COL28A1: variants seen among roughly 807,000 people sequenced by gnomAD.
The protein encoded by COL28A1 is collagen alpha-1(XXVIII) chain.
COL28A1 carries 161 observed loss-of-function variants against 150.2 expected under a neutral mutation model. The ratio of observed to expected loss-of-function variants is 1.07; its 90% CI spans 0.94 to 1.22. COL28A1 has a LOEUF of 1.22. Ranked by LOEUF, COL28A1 falls within the 50% of genes most tolerant of loss-of-function variation. The pLI is 0.00. For synonymous variants in COL28A1, 552 were observed against 469.7 expected, an observed-to-expected ratio of 1.18 and a Z score of -2.26; for missense variants, 1,617 against 1,388.3, an observed-to-expected ratio of 1.16 and a Z score of -2.62.
In COL28A1 at chr7:7,531,481, A is replaced by G. The variant is rs1214324156; in HGVS notation, c.548T>C (p.Ile183Thr). 6.9e-6 allele frequency: 11 copies of G among 1,604,712 alleles called. No homozygotes were observed. In the Admixed American group the frequency reaches 1.5e-4, roughly 22 times the overall value. The change falls in exon 3 of 35, where the codon ATA becomes ACA. Residue 183 changes from isoleucine (I) to threonine (T), a missense_variant. Transcript: ENST00000399429. Reference protein sequence around the residue: ...SISEDARISGISFITIALSTV... With the variant: ...SISEDARISGTSFITIALSTV... ...AGAAAGTGCAATGGTGATAAATGATATTCCTGAAATTCTGGCATCTTCAGA... is the reference window on the plus strand; with the variant it reads ...AGAAAGTGCAATGGTGATAAATGATGTTCCTGAAATTCTGGCATCTTCAGA...
downstream of COL28A1, among the ~76,000 whole-genome samples, chr7:7,353,763 G>A (rs1008669479): frequency 3.3e-5 from 5 of 152,082 alleles, no homozygotes; most frequent in African/African-American, 9.7e-5. Flanking sequence ...TTTCTATGTG[G>A]GCAAAATTGT....
intron 6 of COL28A1, among the ~76,000 whole-genome samples, chr7:7,518,995 C>T (rs1366304929): frequency 6.6e-6 from 1 of 152,180 alleles, no homozygotes. Context: ...ATGTCCATTA[C>T]ATTTGATGCA....
At chr7:7,393,308 C>T (rs1782652398) in intron 27 of COL28A1, among the ~76,000 whole-genome samples, 1 of 152,226 alleles carries the variant, frequency 6.6e-6, no homozygotes, top group African/African-American at 2.4e-5. Context: ...ACAGCAAAGA[C>T]TGCCACCTGT....
At position 7,404,120 on chromosome 7, in the gene COL28A1, G is replaced by A. The variant is rs369550500; in HGVS notation, c.2136+13739C>T. Among the ~76,000 whole-genome samples the A allele has an allele frequency of 9.9e-5, 15 of 152,040 alleles. No homozygotes were observed. The South Asian group carries it at 1.5e-3, about 15-fold the overall frequency. ...AGGAAAAAGGATTTAGTAAACTTAC[G>A]CTCAAATGAACACTGGGCCCATGTG... On this transcript the variant is annotated intron_variant, in intron 27 of 34. Transcript: ENST00000399429.
intron 30 of COL28A1, among the ~76,000 whole-genome samples, chr7:7,379,801 A>G (rs931472213): frequency 7.2e-5 from 11 of 152,204 alleles, no homozygotes; most frequent in African/African-American, 9.7e-5. Flanking sequence ...GAAATTGTGC[A>G]TATGTAGCTA....
chr7:7,369,639 C>T (rs1781113574), intron 33 of COL28A1, among the ~76,000 whole-genome samples: 1 of 152,192 alleles, frequency 6.6e-6, no homozygotes, highest in Admixed American at 6.5e-5. Flanking sequence ...GGCCTTTCTG[C>T]ACTTTTGTGA....
In COL28A1 at chr7:7,436,428, CT is replaced by C; in HGVS notation, c.1826del (p.Lys609ArgfsTer75). 1 of 1,446,512 alleles carries C rather than the reference CT, an allele frequency of 6.9e-7. No homozygotes were observed. The highest frequency in any genetic ancestry group is 9.7e-7 in the Non-Finnish European group (1 of 1,026,890). The allele number at this position is 1,446,512 out of a possible 1,614,324, so 89.6% of individuals were successfully genotyped here. A position where few individuals can be genotyped will look rare whatever the true frequency, so the allele number is the denominator to read the frequency against. Reference protein sequence around the residue: ...DRGGPGIPGFKGEPGLSIRGP... With the variant: ...DRGGPGIPGFXGEPGLSIRGP... Reference sequence around the variant, plus strand: ...CTCGAATAGAAAGTCCAGGTTCTCCCTTAAATCCAGGTATCCCAGGTCCTCC... The same window carrying C: ...CTCGAATAGAAAGTCCAGGTTCTCCCTAAATCCAGGTATCCCAGGTCCTCC... On this transcript the variant is annotated frameshift_variant, in exon 23 of 35. Coordinates refer to ENST00000399429, the MANE Select transcript of COL28A1 (RefSeq NM_001037763.3). LOFTEE classifies it high-confidence loss of function.
chr7:7,340,029 T>C, the COL28A1 span, among the ~76,000 whole-genome samples: 1 of 152,114 alleles, frequency 6.6e-6, no homozygotes, highest in African/African-American at 2.4e-5. Context: ...CTCACTCTAT[T>C]TCCCAGGCTG....
In COL28A1 at chr7:7,465,040, G is replaced by A. The variant is rs138263442; in HGVS notation, c.1303-8928C>T. ...AAGGCTACTATGAACACCTTTATGC[G>A]CATAAACTAGAAAGCCTAGAGGAGA... On this transcript the variant is annotated intron_variant, in intron 15 of 34. Coordinates refer to ENST00000399429, the MANE Select transcript of COL28A1 (RefSeq NM_001037763.3). Among the ~76,000 whole-genome samples, 709 of 152,172 alleles carry A rather than the reference G, an allele frequency of 4.7e-3. 6 individuals carry two copies. Among genetic ancestry groups the A allele is most frequent in the East Asian group, 0.023 (118 of 5,170 alleles).
At chr7:7,387,883 CAA>C (rs1180601261) in intron 27 of COL28A1, among the ~76,000 whole-genome samples, 15 of 152,156 alleles carry the variant, frequency 9.9e-5, no homozygotes, top group Non-Finnish European at 2.1e-4. Flanking sequence ...AAAAGAAAAT[CAA>C]AAGACCTAAA....
chr7:7,440,531 G>C lies in COL28A1; in HGVS notation c.1722+259C>G, dbSNP rs531770299. Among the ~76,000 whole-genome samples, 3 of 152,228 alleles carry C rather than the reference G, an allele frequency of 2.0e-5. No homozygotes were observed. The South Asian group carries it at 6.2e-4, about 32-fold the overall frequency. On this transcript the variant is annotated intron_variant, in intron 21 of 34. Coordinates refer to ENST00000399429, the MANE Select transcript of COL28A1 (RefSeq NM_001037763.3). ...ATTTTATCCCAACTTCTGAATATTT[G>C]GTTGTTACTAGAGAGGACTGACAGA...
upstream of COL28A1, among the ~76,000 whole-genome samples, chr7:7,536,536 T>G (rs867714002): frequency 6.6e-6 from 1 of 152,146 alleles, no homozygotes; most frequent in African/African-American, 2.4e-5. Context: ...GTTTTTCCAC[T>G]CCCTGTTTCC....
intron 20 of COL28A1, among the ~76,000 whole-genome samples, chr7:7,442,943 G>A (rs1156932451): frequency 6.6e-6 from 1 of 151,428 alleles, no homozygotes; most frequent in Non-Finnish European, 1.5e-5. Flanking sequence ...GCTGAGGCAG[G>A]AAAATCGCTT....
intron 27 of COL28A1, among the ~76,000 whole-genome samples, chr7:7,382,294 G>A (rs1187398583): frequency 6.6e-6 from 1 of 150,754 alleles, no homozygotes; most frequent in African/African-American, 2.4e-5. Flanking sequence ...TGGGCAACAA[G>A]AATGAAACTC....
Position 7,373,935 on chromosome 7 carries a change from G to A in COL28A1, c.2360-389C>T, listed in dbSNP as rs1457018545. ...AAGATGGTCTCGATCTCCTGACCTC[G>A]TGATATGCCCGCCTCGGCCTCCCAA... On this transcript the variant is annotated intron_variant, in intron 31 of 34. Transcript: ENST00000399429. The surrounding 1 kb of genome is among the most constrained non-coding windows in gnomAD (Gnocchi z 4.1). 2.7e-5 allele frequency among the ~76,000 whole-genome samples: 4 copies of A among 150,084 alleles called. No individual in the cohort carries two copies. The highest frequency in any genetic ancestry group is 3.9e-4 in the East Asian group (2 of 5,110).
intron 32 of COL28A1, among the ~76,000 whole-genome samples, chr7:7,372,356 A>C (rs1325994816): frequency 1.3e-5 from 2 of 151,766 alleles, no homozygotes; most frequent in African/African-American, 4.8e-5. Context: ...CTGAGATCAC[A>C]CCACAGCACT....
At chr7:7,479,957 T>C (rs529516030) in intron 13 of COL28A1, among the ~76,000 whole-genome samples, 1 of 152,338 alleles carries the variant, frequency 6.6e-6, no homozygotes, top group African/African-American at 2.4e-5. Context: ...GCTTTTCCTC[T>C]GATGAATCTA....
chr7:7,513,578 C>T (rs921914108), intron 8 of COL28A1, among the ~76,000 whole-genome samples: 5 of 152,192 alleles, frequency 3.3e-5, no homozygotes, highest in Admixed American at 1.3e-4. Context: ...ACAAGTTGAA[C>T]ATTTATTTCT....
At chr7:7,422,234 C>T (rs556058180) in intron 25 of COL28A1, among the ~76,000 whole-genome samples, 11 of 152,148 alleles carry the variant, frequency 7.2e-5, no homozygotes, top group Non-Finnish European at 1.3e-4. Flanking sequence ...AAAAATAATA[C>T]TCCTCTTTGC....
Sources: gnomAD v4.1 joint callset for allele counts (sites outside exome capture counted in the v4.1 genomes callset) on GRCh38, gnomAD v4.1.1 for gene constraint, Gnocchi (gnomAD v3.1) non-coding constraint, MANE v1.5 for transcripts, NCBI Gene and HGNC (gene_info 2026-07-23, HGNC 2026-07-21) for gene names.